The following CAPN14 variants were observed in gnomAD, a reference collection of about 807,000 sequenced individuals.
CAPN14 encodes the protein calpain-14.
Under a neutral mutation model 101.3 loss-of-function variants are expected in CAPN14, and 94 were observed. That is an observed-to-expected ratio of 0.93 (90% CI 0.79 to 1.10). The LOEUF (loss-of-function observed/expected upper bound fraction) is 1.10, where lower values mean the gene tolerates loss of function less well. Ranked by LOEUF, CAPN14 falls within the 50% of genes least tolerant of loss-of-function variation. The pLI is 0.00. For synonymous variants in CAPN14, 338 were observed against 317.9 expected (o/e 1.06, Z -0.67); for missense variants, 837 against 828.4 (o/e 1.01, Z -0.13).
chr2:31,204,630 C>T (rs969065471), intron 2 of CAPN14, among the ~76,000 whole-genome samples: 1 of 152,136 alleles, frequency 6.6e-6, no homozygotes, highest in African/African-American at 2.4e-5. Context: ...GTGTAAGGAG[C>T]TCTGAATATC....
At chr2:31,193,024 C>G in intron 10 of CAPN14, 107 bp downstream of exon 10, 1 of 1,136,366 alleles carries the variant, frequency 8.8e-7, no homozygotes, top group Non-Finnish European at 1.2e-6. Context: ...AGAGCCTCCT[C>G]CCCACTCAGC....
upstream of CAPN14, among the ~76,000 whole-genome samples, chr2:31,218,343 A>T (rs561989708): frequency 1.7e-4 from 25 of 151,034 alleles, no homozygotes; most frequent in African/African-American, 6.1e-4. Context: ...CACACCTAGG[A>T]TCCCCAGAAC....
At chr2:31,211,664 T>C (rs4951970) in intron 1 of CAPN14, among the ~76,000 whole-genome samples, 88,566 of 145,200 alleles carry the variant, frequency 0.61, 27,210 homozygotes, top group East Asian at 0.94. Context: ...TGAGCACGTG[T>C]GCATGTGCAC....
In CAPN14 at chr2:31,204,529, G is replaced by A. The variant is rs1404231185; in HGVS notation, c.225+694C>T. On this transcript the variant is annotated intron_variant, in intron 2 of 21. Coordinates refer to ENST00000403897, the MANE Select transcript of CAPN14 (RefSeq NM_001145122.2). ...CCCCCTGATCACTGGGGAGGGGAGGGAAACTGAAGGTTAAATTGATCACCA... is the reference window on the plus strand; with the variant it reads ...CCCCCTGATCACTGGGGAGGGGAGGAAAACTGAAGGTTAAATTGATCACCA... Among the ~76,000 whole-genome samples the A allele has an allele frequency of 3.3e-5, 5 of 152,152 alleles. No homozygotes were observed. In the East Asian group the frequency reaches 9.6e-4, roughly 29 times the overall value.
rs1284783330 is a variant in CAPN14 at position 31,174,549 on chromosome 2, G to T, written c.*132C>A. 2.2e-6 allele frequency: 2 copies of T among 906,776 alleles called. No individual in the cohort carries two copies. The highest frequency in any genetic ancestry group is 3.4e-6 in the Non-Finnish European group (2 of 580,182). The allele number at this position is 906,776 out of a possible 1,614,324, so 56.2% of individuals were successfully genotyped here. A position where few individuals can be genotyped will look rare whatever the true frequency, so the allele number is the denominator to read the frequency against. ...GGGCTGCAGAAGAGAAACCTTCCCA[G>T]CTGAGAAGGTGACGGCTAGTGAGGC... is the stretch of plus-strand genomic sequence containing the variant. On this transcript the variant is annotated 3_prime_UTR_variant, in exon 22 of 22. Transcript: ENST00000403897.
chr2:31,197,469 G>A (rs1170411692), intron 7 of CAPN14, 135 bp from the exon 8 acceptor site: 1 of 622,444 alleles, frequency 1.6e-6, no homozygotes, highest in Non-Finnish European at 2.9e-6. Context: ...AGAGGAGAAA[G>A]TGGCTCTGCT....
At chr2:31,208,157 GACTCCAAAAAAAA>G (rs747341954) in intron 1 of CAPN14, among the ~76,000 whole-genome samples, 165 of 150,154 alleles carry the variant, frequency 1.1e-3, no homozygotes, top group African/African-American at 2.2e-3. Flanking sequence ...TTATTTTTTT[GACTCCAAAAAAAA>G]ACTCCAAAAA....
In CAPN14 at chr2:31,177,759, G is replaced by GGCA. The variant is rs1572385443; in HGVS notation, c.1839_1841dup (p.Ala614dup). The GGCA allele has an allele frequency of 6.4e-7, 1 of 1,551,680 alleles. No homozygotes were observed. Among genetic ancestry groups the GGCA allele is most frequent in the African/African-American group, 1.4e-5 (1 of 73,148 alleles). ...TCCTGTGCCTACCTGCCTCCCTCAT[G>GGCA]GCAGCGTGCAGCTGCTCCCAGTTCA... On this transcript the variant is annotated inframe_insertion, in exon 19 of 22. Coordinates refer to ENST00000403897, the MANE Select transcript of CAPN14 (RefSeq NM_001145122.2).
intron 1 of CAPN14, among the ~76,000 whole-genome samples, chr2:31,213,781 G>A (rs889814540): frequency 6.6e-6 from 1 of 152,202 alleles, no homozygotes; most frequent in Admixed American, 6.5e-5. Flanking sequence ...TTATTTAGAT[G>A]TGATAACATC....
At chr2:31,204,472 G>A (rs1441682294) in intron 2 of CAPN14, among the ~76,000 whole-genome samples, 1 of 152,158 alleles carries the variant, frequency 6.6e-6, no homozygotes, top group Non-Finnish European at 1.5e-5. Flanking sequence ...AAAGACCAAG[G>A]CAGGATTAGA....
intron 12 of CAPN14, among the ~76,000 whole-genome samples, chr2:31,191,002 G>A (rs1681149518): frequency 6.6e-6 from 1 of 152,124 alleles, no homozygotes; most frequent in African/African-American, 2.4e-5. Flanking sequence ...CATGGTCTTT[G>A]ATGTCCCATA....
intron 7 of CAPN14, among the ~76,000 whole-genome samples, chr2:31,198,264 G>A (rs539436304): frequency 4.6e-5 from 7 of 152,218 alleles, no homozygotes; most frequent in African/African-American, 1.4e-4. Flanking sequence ...TCCCTGCTCC[G>A]AGTTGTCCTG....
At chr2:31,221,709 C>T (rs1178487534), upstream of CAPN14, among the ~76,000 whole-genome samples, 2 of 152,174 alleles carry the variant, frequency 1.3e-5, no homozygotes, top group East Asian at 1.9e-4. Flanking sequence ...TTCCGAGAGA[C>T]GGTTGCAAGG....
At chr2:31,217,077 C>G (rs1033398588) in intron 1 of CAPN14, among the ~76,000 whole-genome samples, 1 of 152,178 alleles carries the variant, frequency 6.6e-6, no homozygotes, top group African/African-American at 2.4e-5. Flanking sequence ...CAGGAGACAA[C>G]TGGGATGGCC....
intron 18 of CAPN14, among the ~76,000 whole-genome samples, 167 bp downstream of exon 18, chr2:31,178,344 G>C (rs1680414719): frequency 6.6e-6 from 1 of 152,192 alleles, no homozygotes; most frequent in Non-Finnish European, 1.5e-5. Context: ...CCAGCTCTCT[G>C]AGTTTGGAAG....
chr2:31,207,911 G>A (rs750160993), intron 1 of CAPN14, among the ~76,000 whole-genome samples: 7 of 152,182 alleles, frequency 4.6e-5, no homozygotes, highest in Non-Finnish European at 1.0e-4. Flanking sequence ...GCCCCACTGT[G>A]GTTCTGCTCT....
At chr2:31,190,402 A>T (rs1380988994) in intron 12 of CAPN14, among the ~76,000 whole-genome samples, 1 of 152,220 alleles carries the variant, frequency 6.6e-6, no homozygotes, top group African/African-American at 2.4e-5. Flanking sequence ...TTATAAGACA[A>T]TGAGAACTAG....
At position 31,188,329 on chromosome 2, in the gene CAPN14, C is replaced by G. The variant is rs1484266596; in HGVS notation, c.1519G>C (p.Val507Leu). ...ACCAGACTACTCACCTTTGAGAAGA[C>G]GACACCAGAATTGCTGCCAATTTCA... Reference protein sequence around the residue: ...FYEIGSNSGVVFSKEIEDQNE... With the variant: ...FYEIGSNSGVLFSKEIEDQNE... The change falls in exon 14 of 22, where the codon GTC becomes CTC. Residue 507 changes from valine to leucine, a missense_variant. Physicochemically the swap from Val to Leu is conservative, Grantham distance 32. Transcript: ENST00000403897. The G allele has an allele frequency of 1.3e-6, 2 of 1,551,562 alleles. No homozygotes were observed. Among genetic ancestry groups the G allele is most frequent in the Non-Finnish European group, 1.7e-6 (2 of 1,146,880 alleles).
At chr2:31,181,584 C>T (rs1251867231) in intron 16 of CAPN14, among the ~76,000 whole-genome samples, 1 of 145,564 alleles carries the variant, frequency 6.9e-6, no homozygotes, top group Non-Finnish European at 1.5e-5. Context: ...AGGTTAGTTA[C>T]GTATGTATAC....
Sources: allele counts gnomAD v4.1 joint callset (sites outside exome capture counted in the v4.1 genomes callset), GRCh38; gene constraint gnomAD v4.1.1; transcripts MANE v1.5; gene names NCBI Gene and HGNC (gene_info 2026-07-23, HGNC 2026-07-21).